The following AHI1 variants were observed in gnomAD, a reference collection of about 807,000 sequenced individuals.
The protein encoded by AHI1 is Abelson helper integration site 1.
In AHI1, 123 loss-of-function variants were observed where a neutral mutation model predicts 149.3. That is an observed-to-expected ratio of 0.82 (90% CI 0.71 to 0.96). The LOEUF (loss-of-function observed/expected upper bound fraction) is 0.96. Ranked by LOEUF, AHI1 falls within the 40% of genes least tolerant of loss-of-function variation. The probability of loss-of-function intolerance (pLI) is 0.00; values close to 1 mark genes in which losing one functional copy is unlikely to be tolerated. For synonymous variants in AHI1, 475 were observed against 459.8 expected, an observed-to-expected ratio of 1.03 and a Z score of -0.42; for missense variants, 1,439 against 1,422.7, an observed-to-expected ratio of 1.01 and a Z score of -0.18.
chr6:135,414,309 C>T (rs1782028780), intron 20 of AHI1, among the ~76,000 whole-genome samples: 1 of 151,954 alleles, frequency 6.6e-6, no homozygotes, highest in African/African-American at 2.4e-5. Context: ...CAAAATGAAC[C>T]ACAGATCTAA....
rs557223739 is a variant in AHI1, at chr6:135,381,427, A to G, written c.3109+13349T>C. 5.3e-5 allele frequency among the ~76,000 whole-genome samples: 8 copies of G among 152,352 alleles called. No individual in the cohort carries two copies. The South Asian group carries it at 1.7e-3, about 32-fold the overall frequency. ...ACACCCACATAGACATTAATATGAA[A>G]TAAACTGGAGTCCTACTAAGCATAA... On this transcript the variant is annotated intron_variant, in intron 23 of 28. Coordinates refer to ENST00000265602, the MANE Select transcript of AHI1 (RefSeq NM_001134831.2).
At chr6:135,360,310 T>C (rs1257986235) in intron 23 of AHI1, among the ~76,000 whole-genome samples, 1 of 152,196 alleles carries the variant, frequency 6.6e-6, no homozygotes, top group South Asian at 2.1e-4. Context: ...TCTTTGAAGG[T>C]TTTAGATGGA....
chr6:135,423,303 AG>A (rs1375984641), intron 20 of AHI1, among the ~76,000 whole-genome samples: 1 of 152,196 alleles, frequency 6.6e-6, no homozygotes, highest in African/African-American at 2.4e-5. Context: ...GCTATTCTAT[AG>A]GATTTGTAAT....
chr6:135,443,939 G>A (rs779116871), intron 13 of AHI1, among the ~76,000 whole-genome samples: 10 of 152,154 alleles, frequency 6.6e-5, no homozygotes, highest in Non-Finnish European at 1.3e-4. Context: ...AGAGTAGGAA[G>A]TGTAATTAAG....
chr6:135,462,323 AAAAC>A (rs1025016017), intron 8 of AHI1, among the ~76,000 whole-genome samples: 5 of 152,066 alleles, frequency 3.3e-5, no homozygotes, highest in African/African-American at 1.2e-4. Context: ...AAAATAAGAG[AAAAC>A]AAACAAGAAA....
At chr6:135,486,426 GCTT>G (rs1193840882) in intron 5 of AHI1, among the ~76,000 whole-genome samples, 1 of 151,980 alleles carries the variant, frequency 6.6e-6, no homozygotes, top group Non-Finnish European at 1.5e-5. Context: ...AAATATGATA[GCTT>G]TTTTCCTTGT....
At chr6:135,408,484 T>A (rs1434816903) in intron 21 of AHI1, among the ~76,000 whole-genome samples, 2 of 151,970 alleles carry the variant, frequency 1.3e-5, no homozygotes, top group Admixed American at 6.5e-5. Flanking sequence ...ATTCTAAAAG[T>A]TAACTAAGAA....
At chr6:135,426,867 A>C (rs1387503070) in intron 20 of AHI1, among the ~76,000 whole-genome samples, 2 of 151,762 alleles carry the variant, frequency 1.3e-5, no homozygotes, top group African/African-American at 2.4e-5. Flanking sequence ...TATGTGCTTT[A>C]GTAACAACAC....
intron 24 of AHI1, among the ~76,000 whole-genome samples, chr6:135,355,340 C>T (rs1369155384): frequency 6.8e-6 from 1 of 147,524 alleles, no homozygotes; most frequent in Non-Finnish European, 1.5e-5. Context: ...AAATATGGTA[C>T]TATTTGTAAG....
At chr6:135,452,563 C>A (rs1252183340) in intron 11 of AHI1, among the ~76,000 whole-genome samples, 1 of 152,194 alleles carries the variant, frequency 6.6e-6, no homozygotes, top group East Asian at 1.9e-4. Flanking sequence ...TTCTAAAACA[C>A]AAATCAGATT....
At chr6:135,424,175 A>G (rs983039229) in intron 20 of AHI1, among the ~76,000 whole-genome samples, 1 of 152,070 alleles carries the variant, frequency 6.6e-6, no homozygotes, top group Non-Finnish European at 1.5e-5. Flanking sequence ...AGTGTAGCAA[A>G]TAAGAGCATG....
intron 11 of AHI1, among the ~76,000 whole-genome samples, chr6:135,451,084 T>G (rs958989343): frequency 6.6e-6 from 1 of 151,916 alleles, no homozygotes; most frequent in Non-Finnish European, 1.5e-5. Context: ...ACAACTTCCA[T>G]TCCCTGTGTC....
At chr6:135,313,039 G>C (rs1785434122) in intron 26 of AHI1, among the ~76,000 whole-genome samples, 1 of 152,174 alleles carries the variant, frequency 6.6e-6, no homozygotes. Flanking sequence ...TAATAAAGGA[G>C]CTAAATTTAA....
intron 23 of AHI1, among the ~76,000 whole-genome samples, chr6:135,386,580 G>C (rs1365004398): frequency 1.3e-5 from 2 of 151,960 alleles, no homozygotes; most frequent in African/African-American, 4.8e-5. Flanking sequence ...AAAGTGCTGG[G>C]ATTACAGGTG....
chr6:135,478,097 A>C (rs1793005464), intron 5 of AHI1, among the ~76,000 whole-genome samples: 1 of 152,158 alleles, frequency 6.6e-6, no homozygotes, highest in African/African-American at 2.4e-5. Context: ...CACAGCGCCG[A>C]GCCTCAGGTA....
chr6:135,488,812 T>G (rs1794843306), intron 5 of AHI1, among the ~76,000 whole-genome samples: 1 of 152,176 alleles, frequency 6.6e-6, no homozygotes, highest in Non-Finnish European at 1.5e-5. Flanking sequence ...AGAAGTCCTA[T>G]CTTTTCAAAT....
At chr6:135,348,933 A>C (rs1791652096) in intron 24 of AHI1, among the ~76,000 whole-genome samples, 1 of 152,188 alleles carries the variant, frequency 6.6e-6, no homozygotes. Context: ...TTCTTTCCAG[A>C]TATAAGGATG....
chr6:135,473,990 T>G (rs187560016), intron 5 of AHI1, among the ~76,000 whole-genome samples: 1 of 152,304 alleles, frequency 6.6e-6, no homozygotes, highest in Non-Finnish European at 1.5e-5. Flanking sequence ...TTATTCACTT[T>G]CAGTACAGTA....
chr6:135,458,217 A>G (rs1165549034), intron 8 of AHI1, among the ~76,000 whole-genome samples: 2 of 152,360 alleles, frequency 1.3e-5, no homozygotes, highest in East Asian at 3.9e-4. Flanking sequence ...GTCAGAGGTC[A>G]GCTGATGGAC....
Sources: gnomAD v4.1 joint callset for allele counts (sites outside exome capture counted in the v4.1 genomes callset) on GRCh38, gnomAD v4.1.1 for gene constraint, MANE v1.5 for transcripts, NCBI Gene and HGNC (gene_info 2026-07-23, HGNC 2026-07-21) for gene names.